Variants in VTI1A observed in about 807,000 individuals in gnomAD.
VTI1A encodes vesicle transport through interaction with t-SNAREs homolog 1A.
Under a neutral mutation model 34.9 loss-of-function variants are expected in VTI1A, and 22 were observed. The observed-to-expected ratio is 0.63, with a 90% confidence interval of 0.45 to 0.90. VTI1A has a LOEUF of 0.90. Ranked by LOEUF, VTI1A falls within the 40% of genes least tolerant of loss-of-function variation. The pLI is 0.00. For synonymous variants in VTI1A, 87 were observed against 97.3 expected, an observed-to-expected ratio of 0.89 and a Z score of 0.62; for missense variants, 268 against 275.6, an observed-to-expected ratio of 0.97 and a Z score of 0.20.
chr10:112,805,819 C>T (rs1011067168), intron 7 of VTI1A, among the ~76,000 whole-genome samples: 7 of 152,170 alleles, frequency 4.6e-5, no homozygotes. Flanking sequence ...TCACTGCTCT[C>T]TCAGGGAACC....
At chr10:112,680,707 A>G (rs1848181528) in intron 7 of VTI1A, among the ~76,000 whole-genome samples, 2 of 152,240 alleles carry the variant, frequency 1.3e-5, no homozygotes, top group Admixed American at 1.3e-4. Flanking sequence ...GTGAGAGATC[A>G]TTGCTCTAGG....
intron 5 of VTI1A, among the ~76,000 whole-genome samples, chr10:112,562,327 G>T (rs1851751283): frequency 6.6e-6 from 1 of 152,004 alleles, no homozygotes; most frequent in African/African-American, 2.4e-5. Context: ...ACACTCTTCT[G>T]TTTTCTCTGT....
intron 3 of VTI1A, among the ~76,000 whole-genome samples, chr10:112,523,053 A>G (rs1850086895): frequency 6.6e-6 from 1 of 152,104 alleles, no homozygotes; most frequent in Non-Finnish European, 1.5e-5. Flanking sequence ...ATGTAGAATC[A>G]TACAGGAGGC....
At chr10:112,810,784 G>C (rs1853253942) in intron 7 of VTI1A, among the ~76,000 whole-genome samples, 1 of 152,154 alleles carries the variant, frequency 6.6e-6, no homozygotes, top group Non-Finnish European at 1.5e-5. Flanking sequence ...CACAGGAAGC[G>C]GATGCCTGGC....
At chr10:112,674,311 T>C (rs1206676677) in intron 7 of VTI1A, among the ~76,000 whole-genome samples, 1 of 152,192 alleles carries the variant, frequency 6.6e-6, no homozygotes, top group Non-Finnish European at 1.5e-5. Context: ...GAATTTCCTA[T>C]AGATTCTTTG....
chr10:112,645,119 A>G (rs1416576411), intron 5 of VTI1A, among the ~76,000 whole-genome samples: 1 of 152,160 alleles, frequency 6.6e-6, no homozygotes, highest in Admixed American at 6.5e-5. Flanking sequence ...TAGTCATCCA[A>G]TGTCATATTT....
chr10:112,733,240 T>C (rs561321110), intron 7 of VTI1A, among the ~76,000 whole-genome samples: 2 of 152,330 alleles, frequency 1.3e-5, no homozygotes, highest in South Asian at 4.1e-4. Context: ...GCTTTTATCG[T>C]TTTAAAATTG....
intron 7 of VTI1A, among the ~76,000 whole-genome samples, chr10:112,678,816 G>C (rs1347835311): frequency 6.6e-6 from 1 of 152,144 alleles, no homozygotes; most frequent in Non-Finnish European, 1.5e-5. Flanking sequence ...TGCAGTTAGG[G>C]AGACAAGGCA....
chr10:112,564,272 C>G (rs578002917), intron 5 of VTI1A, among the ~76,000 whole-genome samples: 11 of 151,246 alleles, frequency 7.3e-5, no homozygotes, highest in African/African-American at 2.2e-4. Context: ...TAATTTTGTT[C>G]AGCGCGTTGT....
chr10:112,686,349 A>G (rs773441026), intron 7 of VTI1A, among the ~76,000 whole-genome samples: 1 of 152,184 alleles, frequency 6.6e-6, no homozygotes, highest in Non-Finnish European at 1.5e-5. Flanking sequence ...CTTCATTCAA[A>G]TGTAATGGAC....
At chr10:112,819,833 G>A (rs1239058187), downstream of VTI1A, among the ~76,000 whole-genome samples, 4 of 152,138 alleles carry the variant, frequency 2.6e-5, no homozygotes, top group Non-Finnish European at 2.9e-5. Flanking sequence ...ATATAACCAT[G>A]GAAGCCACCC....
rs1853591784 is a variant in VTI1A at position 112,818,656 on chromosome 10, G to A, written c.*3273G>A. On this transcript the variant is annotated 3_prime_UTR_variant, in exon 8 of 8. Transcript: ENST00000393077. ...AATTGCGCATTGCCAGCAACTTGGC[G>A]CCTGTTTAGACGTTTTTATTTTCTT... The A allele has an allele frequency of 1.8e-5, 4 of 216,488 alleles. No individual in the cohort carries two copies. The highest frequency in any genetic ancestry group is 2.8e-5 in the Non-Finnish European group (3 of 107,262). The allele number at this position is 216,488 out of a possible 1,614,324, so 13.4% of individuals were successfully genotyped here. A position where few individuals can be genotyped will look rare whatever the true frequency, so the allele number is the denominator to read the frequency against.
At chr10:112,728,425 TA>T (rs1341911606) in intron 7 of VTI1A, among the ~76,000 whole-genome samples, 1 of 152,138 alleles carries the variant, frequency 6.6e-6, no homozygotes, top group Non-Finnish European at 1.5e-5. Flanking sequence ...CCCTATCTAA[TA>T]AAAAGGAAAC....
At chr10:112,593,911 T>TTATTA (rs3057341) in intron 5 of VTI1A, among the ~76,000 whole-genome samples, 3 of 149,304 alleles carry the variant, frequency 2.0e-5, no homozygotes, top group Non-Finnish European at 4.4e-5. Flanking sequence ...TAATTTTTTT[T>TTATTA]TTATTATTAT....
chr10:112,576,368 T>C (rs1843712092), intron 5 of VTI1A, among the ~76,000 whole-genome samples: 1 of 152,254 alleles, frequency 6.6e-6, no homozygotes, highest in African/African-American at 2.4e-5. Flanking sequence ...AAATATTTGC[T>C]GTTTTAGCAT....
rs1847837729 is a variant in VTI1A at position 112,464,638 on chromosome 10, GA to G, written c.249del (p.Lys83AsnfsTer50). 6.2e-7 allele frequency: 1 copy of G among 1,611,354 alleles called. No individual in the cohort carries two copies. The highest frequency in any genetic ancestry group is 1.3e-5 in the African/African-American group (1 of 74,796). On this transcript the variant is annotated frameshift_variant, in exon 3 of 8. Transcript: ENST00000393077. LOFTEE classifies it high-confidence loss of function. ...NRMRSYKQEMGKLETDFKRSR... is the reference protein window; with the variant it reads ...NRMRSYKQEMXKLETDFKRSR... ...ATGAGAAGCTACAAACAAGAAATGG[GA>G]AAACTCGAAACAGATTTTGTGAGTC...
chr10:112,703,502 G>T lies in VTI1A; in HGVS notation c.560+34504G>T, dbSNP rs183617742. 9.3e-4 allele frequency among the ~76,000 whole-genome samples: 138 copies of T among 149,084 alleles called. 2 individuals are homozygous for T. The highest frequency in any genetic ancestry group is 3.3e-3 in the African/African-American group (134 of 40,698). ...GAATCGCTTGAACCGGGAGATGAAG[G>T]TTGCGGTGAGCCGAGATCATGCCAT... On this transcript the variant is annotated intron_variant, in intron 7 of 7. Transcript: ENST00000393077.
chr10:112,830,849 A>ATATATATATATATATTTTTTTTTTTTTTT, the VTI1A span, among the ~76,000 whole-genome samples: 2 of 33,496 alleles, frequency 6.0e-5, no homozygotes, highest in African/African-American at 2.9e-4. Context: ...ATATATATAT[A>ATATATATATATATATTTTTTTTTTTTTTT]TTTTTTTTTT....
chr10:112,654,948 G>T (rs1319307975), intron 5 of VTI1A, among the ~76,000 whole-genome samples: 1 of 152,132 alleles, frequency 6.6e-6, no homozygotes, highest in Non-Finnish European at 1.5e-5. Flanking sequence ...TCTGTAGATT[G>T]CTCTGGCTTA....
Sources: gnomAD v4.1 joint callset for allele counts (sites outside exome capture counted in the v4.1 genomes callset) on GRCh38, gnomAD v4.1.1 for gene constraint, MANE v1.5 for transcripts, NCBI Gene and HGNC (gene_info 2026-07-23, HGNC 2026-07-21) for gene names.